The following SHISA9 variants were observed in gnomAD, a reference collection of about 807,000 sequenced individuals.
SHISA9 encodes shisa family member 9.
Under a neutral mutation model 38.0 loss-of-function variants are expected in SHISA9, and 13 were observed. The observed-to-expected ratio is 0.34, with a 90% CI of 0.22 to 0.54. The LOEUF is 0.54. Ranked by LOEUF, SHISA9 falls within the 20% of genes least tolerant of loss-of-function variation. SHISA9 has a pLI of 0.91. For missense variants in SHISA9, 538 were observed against 575.8 expected (o/e 0.93, Z 0.67); for synonymous variants, 275 against 242.0 (o/e 1.14, Z -1.27).
chr16:13,352,348 G>T, the SHISA9 span, among the ~76,000 whole-genome samples: 4 of 152,142 alleles, frequency 2.6e-5, no homozygotes, highest in Non-Finnish European at 4.4e-5. Context: ...AAATGAAAAG[G>T]CAGGGTTTCA....
chr16:13,544,062 A>C, the SHISA9 span, among the ~76,000 whole-genome samples: 1 of 152,108 alleles, frequency 6.6e-6, no homozygotes, highest in Non-Finnish European at 1.5e-5. Context: ...GTTAAGTGTA[A>C]AGGGTATGAC....
the SHISA9 span, among the ~76,000 whole-genome samples, chr16:13,502,270 T>C: frequency 5.9e-5 from 9 of 152,194 alleles, no homozygotes; most frequent in Admixed American, 2.0e-4. Flanking sequence ...CCATGATATC[T>C]GCATTTTACA....
intron 2 of SHISA9, chr16:13,082,530 G>A (rs748953012): frequency 2.6e-5 from 4 of 152,118 alleles, no homozygotes; most frequent in Non-Finnish European, 5.9e-5. Flanking sequence ...TCCTTCTCAT[G>A]TCCCGGCATT....
intron 2 of SHISA9, among the ~76,000 whole-genome samples, chr16:13,040,086 C>T (rs1202478388): frequency 6.6e-6 from 1 of 152,194 alleles, no homozygotes; most frequent in Non-Finnish European, 1.5e-5. Context: ...CCTGATTTCT[C>T]TCTTGCTCCT....
At chr16:12,993,560 A>G (rs2072417244) in intron 2 of SHISA9, among the ~76,000 whole-genome samples, 1 of 152,144 alleles carries the variant, frequency 6.6e-6, no homozygotes, top group South Asian at 2.1e-4. Context: ...TTGTTCAACA[A>G]CCAATTACTG....
At chr16:13,309,948 C>T in the SHISA9 span, among the ~76,000 whole-genome samples, 1 of 152,046 alleles carries the variant, frequency 6.6e-6, no homozygotes, top group Non-Finnish European at 1.5e-5. Flanking sequence ...AGTGCAATGG[C>T]ACGATCTCGG....
At chr16:13,112,186 G>A (rs1209755788) in intron 2 of SHISA9, among the ~76,000 whole-genome samples, 2 of 152,184 alleles carry the variant, frequency 1.3e-5, no homozygotes, top group Non-Finnish European at 2.9e-5. Context: ...CTGAGGACTT[G>A]TGTCAGATGC....
intron 2 of SHISA9, among the ~76,000 whole-genome samples, chr16:13,180,252 G>A (rs1270579104): frequency 6.6e-6 from 1 of 152,206 alleles, no homozygotes; most frequent in Non-Finnish European, 1.5e-5. Flanking sequence ...AAGCTACACT[G>A]CCTATCCACA....
intron 2 of SHISA9, among the ~76,000 whole-genome samples, chr16:13,163,761 G>A (rs1310647258): frequency 6.6e-6 from 1 of 151,824 alleles, no homozygotes; most frequent in Non-Finnish European, 1.5e-5. Context: ...ATTGTAAATG[G>A]TATTTTGTTA....
At chr16:13,298,906 A>G in the SHISA9 span, among the ~76,000 whole-genome samples, 3 of 152,182 alleles carry the variant, frequency 2.0e-5, no homozygotes, top group African/African-American at 7.2e-5. Context: ...TCCCTTCTGC[A>G]CACAACTGGG....
At chr16:12,950,924 T>TC in intron 2 of SHISA9, among the ~76,000 whole-genome samples, 1 of 139,592 alleles carries the variant, frequency 7.2e-6, no homozygotes, top group East Asian at 2.3e-4. Flanking sequence ...ATTTTTTTTT[T>TC]TTTTTAAATG....
At chr16:13,210,303 C>G (rs551416396) in intron 3 of SHISA9, among the ~76,000 whole-genome samples, 3 of 152,266 alleles carry the variant, frequency 2.0e-5, no homozygotes, top group Admixed American at 6.5e-5. Context: ...TATTGAACTC[C>G]TAAGTGACCA....
At chr16:13,149,955 AG>A (rs2050483057) in intron 2 of SHISA9, among the ~76,000 whole-genome samples, 1 of 150,128 alleles carries the variant, frequency 6.7e-6, no homozygotes, top group Non-Finnish European at 1.5e-5. Flanking sequence ...GGAAAAAAAA[AG>A]ATAATCATGA....
At chr16:13,485,330 T>C in the SHISA9 span, among the ~76,000 whole-genome samples, 2 of 152,180 alleles carry the variant, frequency 1.3e-5, no homozygotes, top group Admixed American at 1.3e-4. Flanking sequence ...CTGAGAAGGA[T>C]GGCTTCTAGC....
intron 1 of SHISA9, chr16:12,911,582 T>C (rs1168208758): frequency 6.1e-6 from 1 of 164,306 alleles, no homozygotes; most frequent in East Asian, 1.9e-4. Flanking sequence ...TTAGTTACTA[T>C]CTCAATGCAT....
chr16:13,462,244 C>CAAA, the SHISA9 span, among the ~76,000 whole-genome samples: 77 of 144,340 alleles, frequency 5.3e-4, 1 homozygote, highest in African/African-American at 1.7e-3. Flanking sequence ...CTACCTCTAC[C>CAAA]AAAAAAAAAA....
chr16:13,126,119 C>T lies in SHISA9; in HGVS notation c.692-77275C>T, dbSNP rs532985209. Among the ~76,000 whole-genome samples, 5 of 152,302 alleles carry T rather than the reference C, an allele frequency of 3.3e-5. 1 individual carries two copies. The highest frequency in any genetic ancestry group is 2.6e-4 in the Admixed American group (4 of 15,298). On this transcript the variant is annotated intron_variant, in intron 2 of 4. Transcript: ENST00000558583. ...AGTTTCTTATAGCCTATTGGAAACT[C>T]AGTGGTATATGGAGGCTCACAAAGA... is the stretch of plus-strand genomic sequence containing the variant.
chr16:12,959,049 C>T (rs1007907431), intron 2 of SHISA9, among the ~76,000 whole-genome samples: 1 of 152,110 alleles, frequency 6.6e-6, no homozygotes, highest in African/African-American at 2.4e-5. Flanking sequence ...GGCCATGGTA[C>T]AGAGCTGGAA....
chr16:13,132,043 C>T (rs1287371133), intron 2 of SHISA9, among the ~76,000 whole-genome samples: 1 of 152,184 alleles, frequency 6.6e-6, no homozygotes, highest in Non-Finnish European at 1.5e-5. Context: ...GAGTTCTAAT[C>T]ACAGCGACAA....
Sources: gnomAD v4.1 joint callset for allele counts (sites outside exome capture counted in the v4.1 genomes callset) on GRCh38, gnomAD v4.1.1 for gene constraint, MANE v1.5 for transcripts, NCBI Gene and HGNC (gene_info 2026-07-23, HGNC 2026-07-21) for gene names.